The following PRKN variants were observed in gnomAD, a reference collection of about 807,000 sequenced individuals.
PRKN encodes E3 ubiquitin-protein ligase parkin.
A neutral mutation model predicts 59.5 loss-of-function variants in PRKN; 56 were observed. The observed-to-expected ratio is 0.94, with a 90% CI of 0.76 to 1.18. PRKN has a LOEUF of 1.18. Ranked by LOEUF, PRKN falls within the 50% of genes most tolerant of loss-of-function variation. The probability of loss-of-function intolerance (pLI) is 0.00; values close to 1 mark genes in which losing one functional copy is unlikely to be tolerated. For missense variants in PRKN, 657 were observed against 596.4 expected, an observed-to-expected ratio of 1.10 and a Z score of -1.06; for synonymous variants, 250 against 222.1, an observed-to-expected ratio of 1.13 and a Z score of -1.12.
intron 1 of PRKN, among the ~76,000 whole-genome samples, chr6:162,516,440 G>T (rs530169710): frequency 6.6e-6 from 1 of 152,018 alleles, no homozygotes; most frequent in Non-Finnish European, 1.5e-5. Flanking sequence ...ATCACTACTC[G>T]GTTATATTAT....
chr6:162,188,049 C>A (rs1784104735), intron 4 of PRKN, among the ~76,000 whole-genome samples: 1 of 152,198 alleles, frequency 6.6e-6, no homozygotes, highest in Middle Eastern at 3.4e-3. Flanking sequence ...GAGATCTGAT[C>A]ATTTTAAAAA....
chr6:162,438,015 G>A (rs1554324035), intron 2 of PRKN, among the ~76,000 whole-genome samples: 1 of 152,142 alleles, frequency 6.6e-6, no homozygotes. Context: ...CTTTTCCAGA[G>A]TGGTTCTACC....
At chr6:161,734,297 A>G (rs780707554) in intron 7 of PRKN, among the ~76,000 whole-genome samples, 3 of 152,244 alleles carry the variant, frequency 2.0e-5, no homozygotes, top group Non-Finnish European at 2.9e-5. Flanking sequence ...TATTCCATAC[A>G]ATGAATGCTT....
intron 4 of PRKN, among the ~76,000 whole-genome samples, chr6:162,148,999 T>C (rs1782146035): frequency 6.6e-6 from 1 of 152,142 alleles, no homozygotes; most frequent in South Asian, 2.1e-4. Flanking sequence ...TTCTTCTCAT[T>C]CATTCATACT....
intron 9 of PRKN, among the ~76,000 whole-genome samples, chr6:161,492,646 G>A (rs1468859437): frequency 1.3e-5 from 2 of 152,178 alleles, no homozygotes; most frequent in Non-Finnish European, 2.9e-5. Context: ...TTGAAAATAC[G>A]GTGGGTGAAG....
intron 2 of PRKN, among the ~76,000 whole-genome samples, chr6:162,263,053 T>C (rs1183621927): frequency 2.0e-5 from 3 of 152,096 alleles, no homozygotes; most frequent in Admixed American, 1.3e-4. Context: ...ATTACCAAAC[T>C]GGATCTATAA....
intron 9 of PRKN, among the ~76,000 whole-genome samples, chr6:161,439,627 G>T (rs377260598): frequency 4.0e-5 from 6 of 151,860 alleles, no homozygotes; most frequent in African/African-American, 1.5e-4. Flanking sequence ...ATCTCCGAGC[G>T]ATTCCATCTA....
intron 4 of PRKN, among the ~76,000 whole-genome samples, chr6:162,086,295 A>G (rs922708581): frequency 6.6e-5 from 10 of 152,088 alleles, no homozygotes; most frequent in Admixed American, 5.2e-4. Flanking sequence ...GCATGAGTGG[A>G]CTCTTTATGT....
chr6:161,377,245 G>A lies in PRKN; in HGVS notation c.1167+9549C>T, dbSNP rs1043723710. ...AGCCCTGTGGAGTTGGAGCATCTGT[G>A]CAGCAATTGTCATAAGACAGAAGTG... On this transcript the variant is annotated intron_variant, in intron 10 of 11. Coordinates refer to ENST00000366898, the MANE Select transcript of PRKN (RefSeq NM_004562.3). This position sits in a 1 kb window ranked among gnomAD's most constrained non-coding sequence, Gnocchi z 4.2. Among the ~76,000 whole-genome samples the A allele has an allele frequency of 1.6e-4, 24 of 152,236 alleles. No homozygotes were observed. Among genetic ancestry groups the A allele is most frequent in the African/African-American group, 5.5e-4 (23 of 41,470 alleles).
intron 4 of PRKN, among the ~76,000 whole-genome samples, chr6:162,097,473 A>G (rs1431817036): frequency 6.6e-6 from 1 of 152,190 alleles, no homozygotes; most frequent in Non-Finnish European, 1.5e-5. Flanking sequence ...AGTGGTGGAG[A>G]CAGGATTCAA....
chr6:162,390,917 ATAGAG>A (rs1252070288), intron 2 of PRKN, among the ~76,000 whole-genome samples: 2 of 152,206 alleles, frequency 1.3e-5, no homozygotes, highest in Non-Finnish European at 2.9e-5. Flanking sequence ...AGAAGAAATA[ATAGAG>A]TATAGATTAT....
At chr6:162,005,491 T>A (rs1279972727) in intron 5 of PRKN, among the ~76,000 whole-genome samples, 1 of 151,704 alleles carries the variant, frequency 6.6e-6, no homozygotes, top group Non-Finnish European at 1.5e-5. Flanking sequence ...TCAATCCACC[T>A]CTGACTCTTG....
chr6:162,615,724 G>A (rs1273981635), intron 1 of PRKN, among the ~76,000 whole-genome samples: 1 of 152,198 alleles, frequency 6.6e-6, no homozygotes, highest in African/African-American at 2.4e-5. Flanking sequence ...ATTGAGATCT[G>A]CTTTACAGGA....
intron 2 of PRKN, among the ~76,000 whole-genome samples, chr6:162,376,250 ATTACT>A (rs1333507307): frequency 2.6e-5 from 4 of 152,104 alleles, no homozygotes; most frequent in Admixed American, 6.6e-5. Flanking sequence ...GTTACTCCTG[ATTACT>A]TTACCCATCC....
At chr6:162,706,727 A>G (rs1778352799) in intron 1 of PRKN, among the ~76,000 whole-genome samples, 1 of 152,180 alleles carries the variant, frequency 6.6e-6, no homozygotes, top group Non-Finnish European at 1.5e-5. Context: ...TACAACACAC[A>G]CATGAGCACT....
chr6:161,430,497 A>G (rs1017276853), intron 9 of PRKN, among the ~76,000 whole-genome samples: 1 of 152,150 alleles, frequency 6.6e-6, no homozygotes, highest in African/African-American at 2.4e-5. Flanking sequence ...ATGTGGTGAG[A>G]GCAAACACAG....
At chr6:161,977,806 C>T (rs1434091642) in intron 5 of PRKN, among the ~76,000 whole-genome samples, 1 of 151,760 alleles carries the variant, frequency 6.6e-6, no homozygotes, top group African/African-American at 2.4e-5. Flanking sequence ...CTTGGCCTCC[C>T]AAAGTGTTGG....
chr6:161,877,195 G>A (rs1794761834), intron 6 of PRKN, among the ~76,000 whole-genome samples: 1 of 152,102 alleles, frequency 6.6e-6, no homozygotes, highest in Non-Finnish European at 1.5e-5. Context: ...TCATAGAGGA[G>A]GAAACTGTGA....
chr6:161,358,138 T>G (rs1002517733), intron 11 of PRKN, among the ~76,000 whole-genome samples: 1 of 152,190 alleles, frequency 6.6e-6, no homozygotes, highest in Non-Finnish European at 1.5e-5. Context: ...GGGGTGTGGG[T>G]GTGTTTGCCT....
Sources: allele counts gnomAD v4.1 joint callset (sites outside exome capture counted in the v4.1 genomes callset), GRCh38; gene constraint gnomAD v4.1.1; non-coding constraint Gnocchi (gnomAD v3.1); transcripts MANE v1.5; gene names NCBI Gene and HGNC (gene_info 2026-07-23, HGNC 2026-07-21).